Variants in SFXN2 observed in about 807,000 individuals in gnomAD.
SFXN2 encodes sideroflexin-2.
SFXN2 carries 37 observed loss-of-function variants against 41.9 expected under a neutral mutation model. That is an observed-to-expected ratio of 0.88 (90% CI 0.68 to 1.16). The LOEUF (loss-of-function observed/expected upper bound fraction) is 1.16. Ranked by LOEUF, SFXN2 falls within the 50% of genes most tolerant of loss-of-function variation. The pLI is 0.00. For missense variants in SFXN2, 386 were observed against 425.2 expected (o/e 0.91, Z 0.81); for synonymous variants, 150 against 156.7 (o/e 0.96, Z 0.32).
At chr10:102,731,269 A>T (rs956535521) in intron 6 of SFXN2, among the ~76,000 whole-genome samples, 1 of 80,678 alleles carries the variant, frequency 1.2e-5, no homozygotes. Context: ...TGTCTCAAAA[A>T]AAAAAAAAAA....
At chr10:102,724,160 T>C (rs1162446721) in intron 1 of SFXN2, among the ~76,000 whole-genome samples, 1 of 152,266 alleles carries the variant, frequency 6.6e-6, no homozygotes, top group Non-Finnish European at 1.5e-5. Context: ...TCTTCATCCA[T>C]GTCCCTGCAA....
At chr10:102,733,394 C>A (rs2064730880) in intron 9 of SFXN2, among the ~76,000 whole-genome samples, 160 bp from the exon 10 acceptor site, 1 of 152,154 alleles carries the variant, frequency 6.6e-6, no homozygotes, top group South Asian at 2.1e-4. Flanking sequence ...GTGATCTGCC[C>A]ATCTCGGTCT....
At chr10:102,728,716 A>G (rs2064650401) in intron 4 of SFXN2, 187 bp downstream of exon 4, 1 of 576,472 alleles carries the variant, frequency 1.7e-6, no homozygotes, top group Non-Finnish European at 3.1e-6. Flanking sequence ...ACCAATTCCA[A>G]ATGTGTTTAT....
At chr10:102,723,240 T>C (rs1316972939) in intron 1 of SFXN2, among the ~76,000 whole-genome samples, 1 of 148,588 alleles carries the variant, frequency 6.7e-6, no homozygotes, top group Admixed American at 6.7e-5. Context: ...CTACCATGCC[T>C]GGCCGACTAG....
Position 102,726,797 on chromosome 10 carries a change from G to T in SFXN2, c.161G>T (p.Arg54Met), listed in dbSNP as rs771003799. 6.2e-7 allele frequency: 1 copy of T among 1,614,194 alleles called. No homozygotes were observed. The highest frequency in any genetic ancestry group is 8.5e-7 in the Non-Finnish European group (1 of 1,180,030). ...GCCAAGGTGATGGTGGAGAAGAGCA[G>T]GTGAGGGGTCGGGGAAGGGGCTGGA... is the stretch of plus-strand genomic sequence containing the variant. ...DWAKVMVEKS[R>M]MGVVPPGTQV... Residue 54 changes from arginine to methionine, a missense_variant and splice_region_variant, in exon 2 of 12, where the codon AGG becomes ATG. Arg to Met is a moderately conservative substitution (Grantham distance 91). Transcript: ENST00000369893.
At chr10:102,720,311 A>C (rs1459030898) in intron 1 of SFXN2, among the ~76,000 whole-genome samples, 3 of 150,340 alleles carry the variant, frequency 2.0e-5, no homozygotes, top group South Asian at 2.1e-4. Context: ...AAAAAAAAAA[A>C]AAAAAACCCA....
intron 5 of SFXN2, 142 bp downstream of exon 5, chr10:102,729,536 C>T: frequency 8.8e-7 from 1 of 1,141,860 alleles, no homozygotes; most frequent in Non-Finnish European, 1.2e-6. Flanking sequence ...ATGAGAAATA[C>T]ACCAGGGCCG....
intron 6 of SFXN2, among the ~76,000 whole-genome samples, chr10:102,730,205 A>C (rs1171009920): frequency 1.3e-5 from 2 of 152,216 alleles, no homozygotes; most frequent in Non-Finnish European, 2.9e-5. Flanking sequence ...AGAACCCAGA[A>C]GCTTTGAAAG....
intron 1 of SFXN2, chr10:102,714,974 G>C (rs1197535246): frequency 6.5e-6 from 1 of 152,908 alleles, no homozygotes; most frequent in Non-Finnish European, 1.5e-5. Flanking sequence ...AAGCAGCCTG[G>C]GGGCTGGCCC....
At chr10:102,724,662 A>G (rs969052505) in intron 1 of SFXN2, among the ~76,000 whole-genome samples, 7 of 152,024 alleles carry the variant, frequency 4.6e-5, no homozygotes, top group Admixed American at 1.3e-4. Flanking sequence ...AGATCGTGCC[A>G]TTGTACTCCA....
Position 102,741,927 on chromosome 10 carries a change from G to C in SFXN2, c.*4165G>C, listed in dbSNP as rs1486551376. ...ACTTTTTATAGTACTTGGAAAAGCA[G>C]GATCAAGATAAAGGCAGAACTATGG... On this transcript the variant is annotated 3_prime_UTR_variant, in exon 12 of 12. Coordinates refer to ENST00000369893, the MANE Select transcript of SFXN2 (RefSeq NM_178858.6). The C allele has an allele frequency of 2.6e-5, 4 of 152,206 alleles. No homozygotes were observed. The highest frequency in any genetic ancestry group is 2.9e-5 in the Non-Finnish European group (2 of 68,050). 9.4% of individuals were successfully genotyped at this position (152,206 alleles called of 1,614,324 possible).
In SFXN2 at chr10:102,726,864, G is replaced by A. The variant is rs2064605417; in HGVS notation, c.161+67G>A. ...TGATGGGGTCCTCTTGGGAGGAGGT[G>A]GAAACCGAAGGTGAAGGAATAGGCA... On this transcript the variant is annotated intron_variant, in intron 2 of 11. Transcript: ENST00000369893. 1.0e-5 allele frequency: 16 copies of A among 1,596,644 alleles called. 1 individual carries two copies. Among genetic ancestry groups the A allele is most frequent in the Non-Finnish European group, 1.1e-5 (13 of 1,169,056 alleles).
chr10:102,742,668 C>G lies in SFXN2; in HGVS notation c.*4906C>G, dbSNP rs1020014806. The G allele has an allele frequency of 6.6e-6, 1 of 151,960 alleles. No homozygotes were observed. Among genetic ancestry groups the G allele is most frequent in the East Asian group, 1.9e-4 (1 of 5,170 alleles). 9.4% of individuals were successfully genotyped at this position (151,960 alleles called of 1,614,324 possible). On this transcript the variant is annotated 3_prime_UTR_variant, in exon 12 of 12. Coordinates refer to ENST00000369893, the MANE Select transcript of SFXN2 (RefSeq NM_178858.6). ...TATTTTTGTAGAGACAGGGTTCTCT[C>G]CATGTTGCCCAGGCTGGTTTCAAAC...
Position 102,719,713 on chromosome 10 carries a change from A to G in SFXN2, c.-26+5032A>G, listed in dbSNP as rs186438643. On this transcript the variant is annotated intron_variant, in intron 1 of 11. Coordinates refer to ENST00000369893, the MANE Select transcript of SFXN2 (RefSeq NM_178858.6). ...ATACCCACAGGCTGATGAACTTCTT[A>G]TTCAGCAAATACTTGAATATTGTGC... Among the ~76,000 whole-genome samples, 89 of 152,292 alleles carry G rather than the reference A, an allele frequency of 5.8e-4. 1 individual carries two copies. Among genetic ancestry groups the G allele is most frequent in the Non-Finnish European group, 1.0e-3 (69 of 68,024 alleles).
chr10:102,732,283 C>G, intron 8 of SFXN2, 65 bp downstream of exon 8: 1 of 1,481,148 alleles, frequency 6.8e-7, no homozygotes, highest in Admixed American at 1.9e-5. Flanking sequence ...CTCAGCCACA[C>G]TCAGCTTTTG....
chr10:102,715,135 C>T (rs2064388628), intron 1 of SFXN2: 1 of 152,392 alleles, frequency 6.6e-6, no homozygotes, highest in African/African-American at 2.4e-5. Flanking sequence ...CAGGCTTAAG[C>T]GATTCTCCCG....
Position 102,727,119 on chromosome 10 carries a change from C to T in SFXN2, c.294C>T (p.Gly98=), listed in dbSNP as rs147013711. The T allele has an allele frequency of 3.9e-5, 63 of 1,606,880 alleles. 1 individual carries two copies. Among genetic ancestry groups the T allele is most frequent in the South Asian group, 2.5e-4 (23 of 90,956 alleles). The change falls in exon 3 of 12, where the codon GGC becomes GGT. Residue 98 remains glycine (G), a synonymous_variant. Transcript: ENST00000369893. The stretch of plus-strand genomic sequence containing the variant: ...GGCGCATGTCTTTCCAGCTTCCTGG[C>T]GGCATGATCATCACGGGCTTCATGC... ...VIGRMSFQLP[G]GMIITGFMLQ... is the part of the protein sequence containing the mutation.
At chr10:102,731,082 C>T (rs1320273286) in intron 6 of SFXN2, among the ~76,000 whole-genome samples, 2 of 147,586 alleles carry the variant, frequency 1.4e-5, no homozygotes, top group African/African-American at 2.5e-5. Flanking sequence ...AGTGAGACTC[C>T]ATCACAAAAA....
At chr10:102,728,938 T>A (rs1251316733) in intron 4 of SFXN2, among the ~76,000 whole-genome samples, 2 of 151,706 alleles carry the variant, frequency 1.3e-5, no homozygotes, top group African/African-American at 2.4e-5. Flanking sequence ...AAACCAGGGT[T>A]GCAAGGCAGA....
Sources: allele counts gnomAD v4.1 joint callset (sites outside exome capture counted in the v4.1 genomes callset), GRCh38; gene constraint gnomAD v4.1.1; transcripts MANE v1.5; gene names NCBI Gene and HGNC (gene_info 2026-07-23, HGNC 2026-07-21).